VTI1A: variants seen among roughly 807,000 people sequenced by gnomAD.
VTI1A encodes vesicle transport through interaction with t-SNAREs homolog 1A.
In VTI1A, 22 loss-of-function variants were observed where a neutral mutation model predicts 34.9. The observed-to-expected ratio is 0.63, with a 90% CI of 0.45 to 0.90. The LOEUF (loss-of-function observed/expected upper bound fraction) is 0.90, where lower values mean the gene tolerates loss of function less well. VTI1A is among the 40% of genes least tolerant of loss of function. VTI1A has a pLI of 0.00. For missense variants in VTI1A, 268 were observed against 275.6 expected (o/e 0.97, Z 0.20); for synonymous variants, 87 against 97.3 (o/e 0.89, Z 0.62).
At chr10:112,493,339 A>C (rs969003410) in intron 3 of VTI1A, among the ~76,000 whole-genome samples, 2 of 152,084 alleles carry the variant, frequency 1.3e-5, no homozygotes, top group Admixed American at 1.3e-4. Context: ...AACCCTTTTA[A>C]TATTTCAAGT....
chr10:112,583,861 C>T (rs1248517742), intron 5 of VTI1A, among the ~76,000 whole-genome samples: 1 of 152,152 alleles, frequency 6.6e-6, no homozygotes, highest in African/African-American at 2.4e-5. Context: ...ACAGGTTTTC[C>T]TATTTCAGCT....
chr10:112,680,683 G>C (rs1010775691), intron 7 of VTI1A, among the ~76,000 whole-genome samples: 2 of 152,210 alleles, frequency 1.3e-5, no homozygotes, highest in African/African-American at 4.8e-5. Flanking sequence ...ATAGTAACTT[G>C]TGCTACATAG....
intron 7 of VTI1A, among the ~76,000 whole-genome samples, chr10:112,795,431 C>CT (rs35159993): frequency 0.24 from 30,120 of 123,874 alleles, 4,351 homozygotes; most frequent in Non-Finnish European, 0.27. Flanking sequence ...CCCTATTACT[C>CT]TTTTTTTTTT....
At chr10:112,469,015 C>A (rs951308496) in intron 3 of VTI1A, among the ~76,000 whole-genome samples, 13 of 152,186 alleles carry the variant, frequency 8.5e-5, no homozygotes, top group Admixed American at 3.3e-4. Flanking sequence ...ACCCTGTACA[C>A]CATTCCATAA....
chr10:112,590,356 C>T (rs1022404657), intron 5 of VTI1A, among the ~76,000 whole-genome samples: 5 of 151,974 alleles, frequency 3.3e-5, no homozygotes, highest in African/African-American at 1.2e-4. Context: ...ATAGAATATC[C>T]TCTCTATATA....
intron 7 of VTI1A, among the ~76,000 whole-genome samples, chr10:112,786,581 T>C (rs1036104101): frequency 2.0e-5 from 3 of 152,344 alleles, no homozygotes; most frequent in Admixed American, 6.5e-5. Flanking sequence ...AAATTTTTCA[T>C]AGATGCTCTT....
intron 5 of VTI1A, among the ~76,000 whole-genome samples, chr10:112,601,979 G>C (rs1844896944): frequency 6.6e-6 from 1 of 152,118 alleles, no homozygotes; most frequent in African/African-American, 2.4e-5. Flanking sequence ...ACATGTGGCT[G>C]GAGTATGAGC....
intron 7 of VTI1A, among the ~76,000 whole-genome samples, chr10:112,747,103 A>G (rs1319749015): frequency 6.6e-6 from 1 of 152,092 alleles, no homozygotes; most frequent in Non-Finnish European, 1.5e-5. Context: ...GCATTTATCC[A>G]CTGTTACACA....
At chr10:112,460,133 G>A (rs1353960305) in intron 1 of VTI1A, among the ~76,000 whole-genome samples, 1 of 152,088 alleles carries the variant, frequency 6.6e-6, no homozygotes, top group Non-Finnish European at 1.5e-5. Flanking sequence ...AAGTGTTTTT[G>A]TATATAACTT....
chr10:112,585,812 G>C (rs891798889), intron 5 of VTI1A, among the ~76,000 whole-genome samples: 1 of 152,030 alleles, frequency 6.6e-6, no homozygotes, highest in African/African-American at 2.4e-5. Flanking sequence ...CATAAAAAGT[G>C]TTGGGTGTTT....
chr10:112,841,437 A>G, the VTI1A span, among the ~76,000 whole-genome samples: 1,570 of 152,338 alleles, frequency 0.01, 20 homozygotes, highest in African/African-American at 0.036. Context: ...GAGAAACTCT[A>G]TTAATGTAGG....
chr10:112,747,462 G>A (rs1018400106), intron 7 of VTI1A, among the ~76,000 whole-genome samples: 1 of 152,214 alleles, frequency 6.6e-6, no homozygotes, highest in East Asian at 1.9e-4. Flanking sequence ...ACGATAGGCA[G>A]TTATAACACA....
At position 112,707,810 on chromosome 10, in the gene VTI1A, T is replaced by A. The variant is rs1289743420; in HGVS notation, c.560+38812T>A. ...AATTGGAAGATGATGTATTTTAACA[T>A]AAAGAGTATTAGACTCTGCCAGAAT... is the stretch of plus-strand genomic sequence containing the variant. On this transcript the variant is annotated intron_variant, in intron 7 of 7. Transcript: ENST00000393077. Among the ~76,000 whole-genome samples the A allele has an allele frequency of 2.0e-5, 3 of 152,236 alleles. No individual in the cohort carries two copies. In the East Asian group the frequency reaches 5.8e-4, roughly 29 times the overall value.
chr10:112,721,878 GCTGA>G (rs1230013784), intron 7 of VTI1A, among the ~76,000 whole-genome samples: 4 of 152,156 alleles, frequency 2.6e-5, no homozygotes, highest in Admixed American at 6.5e-5. Flanking sequence ...TCAAACTAGG[GCTGA>G]CTGACCATCT....
intron 7 of VTI1A, among the ~76,000 whole-genome samples, chr10:112,775,380 A>G (rs1027277939): frequency 6.6e-6 from 1 of 151,270 alleles, no homozygotes; most frequent in Non-Finnish European, 1.5e-5. Context: ...TTAAGGCTGT[A>G]GGATCCTGAG....
At chr10:112,752,111 A>G (rs1204926456) in intron 7 of VTI1A, among the ~76,000 whole-genome samples, 1 of 152,220 alleles carries the variant, frequency 6.6e-6, no homozygotes, top group Non-Finnish European at 1.5e-5. Context: ...GTCATGGTAT[A>G]GACATAACCA....
intron 5 of VTI1A, among the ~76,000 whole-genome samples, chr10:112,543,391 C>T (rs553329144): frequency 6.6e-6 from 1 of 152,128 alleles, no homozygotes; most frequent in Non-Finnish European, 1.5e-5. Context: ...GAGATGGTAT[C>T]TCATTGTGGT....
chr10:112,466,738 A>T (rs1847908379), intron 3 of VTI1A, among the ~76,000 whole-genome samples: 1 of 152,196 alleles, frequency 6.6e-6, no homozygotes, highest in Admixed American at 6.5e-5. Context: ...GGTTCTAGAA[A>T]AACAAAGGGT....
In VTI1A at chr10:112,775,847, C is replaced by T. The variant is rs141967883; in HGVS notation, c.561-39443C>T. On this transcript the variant is annotated intron_variant, in intron 7 of 7. Coordinates refer to ENST00000393077, the MANE Select transcript of VTI1A (RefSeq NM_145206.4). ...AAATATGTGGGTTTTAAAAATATAT[C>T]ACCAGATACTTTTGCGATAGTCAAT... Among the ~76,000 whole-genome samples the T allele has an allele frequency of 1.4e-3, 212 of 152,316 alleles. 1 individual carries two copies. Among genetic ancestry groups the T allele is most frequent in the African/African-American group, 4.9e-3 (202 of 41,564 alleles).
Sources: allele counts gnomAD v4.1 joint callset (sites outside exome capture counted in the v4.1 genomes callset), GRCh38; gene constraint gnomAD v4.1.1; transcripts MANE v1.5; gene names NCBI Gene and HGNC (gene_info 2026-07-23, HGNC 2026-07-21).